Variants in TMEM178B observed in about 807,000 individuals in gnomAD.
The protein encoded by TMEM178B is transmembrane protein 178B.
Under a neutral mutation model 31.0 loss-of-function variants are expected in TMEM178B, and 5 were observed. The ratio of observed to expected loss-of-function variants is 0.16; its 90% CI spans 0.08 to 0.34. TMEM178B has a LOEUF of 0.34. Ranked by LOEUF, TMEM178B falls within the 10% of genes least tolerant of loss-of-function variation. The probability of loss-of-function intolerance (pLI) is 1.00; values close to 1 mark genes in which losing one functional copy is unlikely to be tolerated. For missense variants in TMEM178B, 275 were observed against 400.3 expected, an observed-to-expected ratio of 0.69 and a Z score of 2.67; for synonymous variants, 164 against 164.0, an observed-to-expected ratio of 1.00 and a Z score of 0.00.
intron 2 of TMEM178B, among the ~76,000 whole-genome samples, chr7:141,267,835 A>G (rs1350906308): frequency 6.6e-6 from 1 of 152,084 alleles, no homozygotes; most frequent in Non-Finnish European, 1.5e-5. Flanking sequence ...TAATTGGGGG[A>G]TGGGGCAAAA....
chr7:141,335,470 C>A (rs1249037219), intron 2 of TMEM178B, among the ~76,000 whole-genome samples: 1 of 152,194 alleles, frequency 6.6e-6, no homozygotes, highest in East Asian at 1.9e-4. Flanking sequence ...TTGACCAGAT[C>A]TCTCCTCATA....
intron 2 of TMEM178B, among the ~76,000 whole-genome samples, chr7:141,359,243 T>A (rs1247554520): frequency 1.3e-5 from 2 of 152,246 alleles, no homozygotes; most frequent in African/African-American, 2.4e-5. Flanking sequence ...ACATTTGGTC[T>A]TAGTGAGATG....
chr7:141,159,273 G>C (rs1796127284), intron 1 of TMEM178B, among the ~76,000 whole-genome samples: 1 of 152,126 alleles, frequency 6.6e-6, no homozygotes. Context: ...TACCAAGCCA[G>C]AGGGATGGTT....
At chr7:141,266,462 C>T (rs1357006711) in intron 2 of TMEM178B, among the ~76,000 whole-genome samples, 1 of 152,180 alleles carries the variant, frequency 6.6e-6, no homozygotes, top group Non-Finnish European at 1.5e-5. Flanking sequence ...ACACTCTGAG[C>T]TGTTTGTTCT....
At chr7:141,350,226 C>T (rs1799696237) in intron 2 of TMEM178B, among the ~76,000 whole-genome samples, 1 of 152,164 alleles carries the variant, frequency 6.6e-6, no homozygotes, top group Non-Finnish European at 1.5e-5. Context: ...TCAGGCCCAG[C>T]TGAACTCTTC....
At chr7:141,176,169 G>T (rs555241523) in intron 1 of TMEM178B, among the ~76,000 whole-genome samples, 24 of 152,200 alleles carry the variant, frequency 1.6e-4, no homozygotes, top group Non-Finnish European at 2.9e-4. Flanking sequence ...TAGCATGAAG[G>T]GCTGTTGAAT....
intron 2 of TMEM178B, among the ~76,000 whole-genome samples, chr7:141,419,147 T>G (rs1044239272): frequency 6.6e-6 from 1 of 152,166 alleles, no homozygotes. Context: ...TGACCTCAAG[T>G]GATCCACCCA....
At chr7:141,430,001 G>A (rs1801393961) in intron 2 of TMEM178B, 1 of 152,158 alleles carries the variant, frequency 6.6e-6, no homozygotes, top group Non-Finnish European at 1.5e-5. Context: ...TTTCCTTCCA[G>A]ATCAGTGCAG....
chr7:141,485,193 A>T (rs1025520283), downstream of TMEM178B, among the ~76,000 whole-genome samples: 1 of 152,224 alleles, frequency 6.6e-6, no homozygotes, highest in Non-Finnish European at 1.5e-5. Flanking sequence ...AGCCCGGACC[A>T]TGTGACCAAG....
chr7:141,453,227 C>A (rs546055030), intron 3 of TMEM178B, among the ~76,000 whole-genome samples: 1 of 152,208 alleles, frequency 6.6e-6, no homozygotes, highest in African/African-American at 2.4e-5. Flanking sequence ...GAGTCAAAAC[C>A]TCCTTGGTGG....
intron 2 of TMEM178B, among the ~76,000 whole-genome samples, chr7:141,270,836 C>T (rs1798170092): frequency 6.6e-6 from 1 of 152,200 alleles, no homozygotes; most frequent in Non-Finnish European, 1.5e-5. Flanking sequence ...AGCTAGCTTG[C>T]TTAGCCCAGG....
chr7:141,149,244 A>G (rs1795913262), intron 1 of TMEM178B, among the ~76,000 whole-genome samples: 1 of 152,144 alleles, frequency 6.6e-6, no homozygotes, highest in African/African-American at 2.4e-5. Context: ...GGCACCTGTG[A>G]ATGTGACCTT....
In TMEM178B at chr7:141,154,880, C is replaced by T. The variant is rs897247274; in HGVS notation, c.383-57711C>T. 5.9e-5 allele frequency among the ~76,000 whole-genome samples: 9 copies of T among 152,244 alleles called. No homozygotes were observed. In the East Asian group the frequency reaches 1.7e-3, roughly 29 times the overall value. On this transcript the variant is annotated intron_variant, in intron 1 of 3. Coordinates refer to ENST00000565468, the MANE Select transcript of TMEM178B (RefSeq NM_001195278.2). ...AAGTAGCTGGGACCACAGGCGCACA[C>T]CACCATATCTAATTATTGTATTTTT...
intron 2 of TMEM178B, among the ~76,000 whole-genome samples, chr7:141,353,590 C>G (rs375679288): frequency 1.5e-4 from 23 of 152,194 alleles, no homozygotes; most frequent in African/African-American, 5.6e-4. Context: ...ATATGATACT[C>G]AAAACATACA....
chr7:141,301,197 G>T (rs946981509), intron 2 of TMEM178B, among the ~76,000 whole-genome samples: 1 of 152,142 alleles, frequency 6.6e-6, no homozygotes, highest in African/African-American at 2.4e-5. Context: ...GAGGAAATTG[G>T]GATTTAATTA....
At chr7:141,493,767 G>A in the TMEM178B span, among the ~76,000 whole-genome samples, 4 of 151,984 alleles carry the variant, frequency 2.6e-5, no homozygotes, top group Non-Finnish European at 5.9e-5. Context: ...ATCTTCATTT[G>A]GCTATTTTCC....
chr7:141,404,954 T>A (rs1162453898), intron 2 of TMEM178B, among the ~76,000 whole-genome samples: 1 of 152,138 alleles, frequency 6.6e-6, no homozygotes, highest in African/African-American at 2.4e-5. Context: ...AGGGGTGAAG[T>A]TTCCCGTCCA....
chr7:141,491,276 T>C, the TMEM178B span, among the ~76,000 whole-genome samples: 1 of 152,182 alleles, frequency 6.6e-6, no homozygotes, highest in Non-Finnish European at 1.5e-5. Flanking sequence ...CAAGTGATCC[T>C]CTTGCCTTAG....
chr7:141,210,022 C>T (rs1394860633), intron 1 of TMEM178B, among the ~76,000 whole-genome samples: 1 of 152,130 alleles, frequency 6.6e-6, no homozygotes, highest in Non-Finnish European at 1.5e-5. Flanking sequence ...GACATTATCA[C>T]ATTTTCCTTT....
Sources: gnomAD v4.1 joint callset for allele counts (sites outside exome capture counted in the v4.1 genomes callset) on GRCh38, gnomAD v4.1.1 for gene constraint, MANE v1.5 for transcripts, NCBI Gene and HGNC (gene_info 2026-07-23, HGNC 2026-07-21) for gene names.